The following CDH12 variants were observed in gnomAD, a reference collection of about 807,000 sequenced individuals.
The protein encoded by CDH12 is cadherin 12.
CDH12 carries 41 observed loss-of-function variants against 74.1 expected under a neutral mutation model. The observed-to-expected ratio is 0.55, with a 90% confidence interval of 0.43 to 0.72. The LOEUF (loss-of-function observed/expected upper bound fraction) is 0.72. CDH12 is among the 30% of genes least tolerant of loss of function. The probability of loss-of-function intolerance (pLI) is 0.00; values close to 1 mark genes in which losing one functional copy is unlikely to be tolerated. For missense variants in CDH12, 945 were observed against 977.2 expected, an observed-to-expected ratio of 0.97 and a Z score of 0.44; for synonymous variants, 399 against 355.0, an observed-to-expected ratio of 1.12 and a Z score of -1.39.
At chr5:22,594,469 G>A (rs1390173296) in intron 1 of CDH12, among the ~76,000 whole-genome samples, 1 of 152,010 alleles carries the variant, frequency 6.6e-6, no homozygotes, top group Non-Finnish European at 1.5e-5. Flanking sequence ...AGTAGCAAAC[G>A]CCCTACACCG....
At position 22,619,064 on chromosome 5, in the gene CDH12, A is replaced by T. The variant is rs564229500; in HGVS notation, c.-522-113700T>A. Among the ~76,000 whole-genome samples, 4 of 152,226 alleles carry T rather than the reference A, an allele frequency of 2.6e-5. No homozygotes were observed. In the South Asian group the frequency reaches 8.3e-4, roughly 32 times the overall value. ...AGTATGTCTTTATTAGTAGCATAAG[A>T]ACAGATGAATACACCTTCTTACCTT... On this transcript the variant is annotated intron_variant, in intron 1 of 14. Coordinates refer to ENST00000382254, the MANE Select transcript of CDH12 (RefSeq NM_004061.5).
intron 6 of CDH12, among the ~76,000 whole-genome samples, chr5:21,858,008 C>T (rs1330602451): frequency 1.4e-5 from 2 of 147,088 alleles, no homozygotes; most frequent in South Asian, 2.1e-4. Flanking sequence ...AGGATCTCCT[C>T]TCTGTTGTAT....
chr5:22,392,483 T>C (rs1219353561), intron 3 of CDH12, among the ~76,000 whole-genome samples: 8 of 152,196 alleles, frequency 5.3e-5, no homozygotes, highest in Non-Finnish European at 1.5e-5. Flanking sequence ...AAAATGAAGA[T>C]AAGTTTTTGA....
chr5:22,621,911 T>G (rs2126841482), intron 1 of CDH12, among the ~76,000 whole-genome samples: 1 of 152,194 alleles, frequency 6.6e-6, no homozygotes, highest in South Asian at 2.1e-4. Context: ...TTCAATGGAA[T>G]TTTACCAAAT....
intron 4 of CDH12, among the ~76,000 whole-genome samples, chr5:22,174,757 C>A (rs1173316697): frequency 6.6e-6 from 1 of 151,862 alleles, no homozygotes; most frequent in African/African-American, 2.4e-5. Flanking sequence ...CCGAATCCAC[C>A]ACACTCTGGT....
intron 1 of CDH12, among the ~76,000 whole-genome samples, chr5:22,710,841 C>T (rs887628526): frequency 2.0e-5 from 3 of 152,008 alleles, no homozygotes; most frequent in Non-Finnish European, 2.9e-5. Context: ...CTGCTCCTGA[C>T]GTCATACAAA....
chr5:22,434,196 C>A (rs1028596505), intron 2 of CDH12, among the ~76,000 whole-genome samples: 22 of 151,950 alleles, frequency 1.4e-4, no homozygotes, highest in African/African-American at 4.8e-4. Context: ...GACACAAGAA[C>A]ATAGTAAGTT....
At chr5:22,222,256 G>T (rs1561233751) in intron 3 of CDH12, among the ~76,000 whole-genome samples, 2 of 151,884 alleles carry the variant, frequency 1.3e-5, no homozygotes, top group African/African-American at 4.8e-5. Flanking sequence ...CTCTGCTTAG[G>T]AATATGAAAA....
At chr5:22,128,992 G>T (rs1364650733) in intron 4 of CDH12, among the ~76,000 whole-genome samples, 1 of 152,260 alleles carries the variant, frequency 6.6e-6, no homozygotes, top group African/African-American at 2.4e-5. Flanking sequence ...ATAGTAACTT[G>T]TGCATAAATG....
intron 3 of CDH12, among the ~76,000 whole-genome samples, chr5:22,352,139 T>A (rs78149346): frequency 2.0e-5 from 3 of 151,916 alleles, no homozygotes; most frequent in East Asian, 1.9e-4. Flanking sequence ...TTTTTTTTTT[T>A]AATTTGGAAA....
At chr5:22,820,666 CT>C (rs1481269850) in intron 1 of CDH12, among the ~76,000 whole-genome samples, 2 of 152,196 alleles carry the variant, frequency 1.3e-5, no homozygotes, top group South Asian at 2.1e-4. Flanking sequence ...CACATACATC[CT>C]CCCAAGACTA....
At chr5:22,399,988 G>T (rs1742646839) in intron 3 of CDH12, among the ~76,000 whole-genome samples, 2 of 152,126 alleles carry the variant, frequency 1.3e-5, no homozygotes, top group African/African-American at 4.8e-5. Flanking sequence ...AGAGAACAAT[G>T]ATTCCTGTTT....
chr5:22,173,930 C>T (rs1233699032), intron 4 of CDH12, among the ~76,000 whole-genome samples: 4 of 151,888 alleles, frequency 2.6e-5, no homozygotes, highest in Non-Finnish European at 5.9e-5. Flanking sequence ...AGATAGTATG[C>T]TGCATTTCCC....
At chr5:21,983,309 A>C (rs1757387557) in intron 5 of CDH12, among the ~76,000 whole-genome samples, 1 of 152,018 alleles carries the variant, frequency 6.6e-6, no homozygotes, top group South Asian at 2.1e-4. Context: ...TTTGCATCTG[A>C]AATTGTATTC....
At chr5:22,756,051 A>G (rs1349338363) in intron 1 of CDH12, among the ~76,000 whole-genome samples, 1 of 150,302 alleles carries the variant, frequency 6.7e-6, no homozygotes, top group Non-Finnish European at 1.5e-5. Flanking sequence ...TTTAGAAATG[A>G]CAGATTTGAA....
chr5:22,134,024 A>G (rs988697759), intron 4 of CDH12, among the ~76,000 whole-genome samples: 1 of 152,126 alleles, frequency 6.6e-6, no homozygotes, highest in Non-Finnish European at 1.5e-5. Flanking sequence ...AGGAACAAAT[A>G]AGCAAATGGG....
intron 6 of CDH12, among the ~76,000 whole-genome samples, chr5:21,930,440 G>A (rs1561307468): frequency 6.6e-6 from 1 of 152,112 alleles, no homozygotes; most frequent in Non-Finnish European, 1.5e-5. Flanking sequence ...ATTTGCCAGG[G>A]ACAATCTTGA....
intron 6 of CDH12, among the ~76,000 whole-genome samples, chr5:21,922,699 C>T (rs1209906453): frequency 6.6e-6 from 1 of 152,058 alleles, no homozygotes; most frequent in African/African-American, 2.4e-5. Flanking sequence ...AGAACAGTTA[C>T]CTGCAATTCA....
chr5:22,290,719 G>A (rs1737349524), intron 3 of CDH12, among the ~76,000 whole-genome samples: 1 of 152,084 alleles, frequency 6.6e-6, no homozygotes, highest in African/African-American at 2.4e-5. Context: ...GAAATACAAA[G>A]GATCATGAGA....
Sources: allele counts gnomAD v4.1 joint callset (sites outside exome capture counted in the v4.1 genomes callset), GRCh38; gene constraint gnomAD v4.1.1; transcripts MANE v1.5; gene names NCBI Gene and HGNC (gene_info 2026-07-23, HGNC 2026-07-21).